Variants in NBPF14 observed in about 807,000 individuals in gnomAD.
NBPF14 encodes the protein NBPF family member NBPF14.
Under a neutral mutation model 91.2 loss-of-function variants are expected in NBPF14, and 104 were observed. The observed-to-expected ratio is 1.14, with a 90% CI of 0.97 to 1.34. The LOEUF (loss-of-function observed/expected upper bound fraction) is 1.34, where lower values mean the gene tolerates loss of function less well. Among genes scored for constraint, NBPF14 ranks in the 40% most tolerant of loss-of-function variants. The probability of loss-of-function intolerance (pLI) is 0.00; values close to 1 mark genes in which losing one functional copy is unlikely to be tolerated. For missense variants in NBPF14, 908 were observed against 783.0 expected, an observed-to-expected ratio of 1.16 and a Z score of -1.91; for synonymous variants, 294 against 303.8, an observed-to-expected ratio of 0.97 and a Z score of 0.34.
At chr1:148,566,086 T>G in intron 29 of NBPF14, 57 bp downstream of exon 29, 1 of 397,474 alleles carries the variant, frequency 2.5e-6, no homozygotes, top group East Asian at 4.8e-5. Flanking sequence ...AGCAGGAATA[T>G]GATCTTTATA....
Position 148,533,327 on chromosome 1 carries a change from C to A in NBPF14, c.8724-79G>T, listed in dbSNP as rs1181105391. The A allele has an allele frequency of 7.9e-5, 38 of 479,378 alleles. 1 individual carries two copies. In the African/African-American group the frequency reaches 1.2e-3, roughly 16 times the overall value. The allele number at this position is 479,378 out of a possible 1,614,324, so 29.7% of individuals were successfully genotyped here. A position where few individuals can be genotyped will look rare whatever the true frequency, so the allele number is the denominator to read the frequency against. ...AGCCCCAGCTAGATTTCAGAAGCAACATAAGGAAGTGGTTAGAAAAGAAAA... is the reference window on the plus strand; with the variant it reads ...AGCCCCAGCTAGATTTCAGAAGCAAAATAAGGAAGTGGTTAGAAAAGAAAA... On this transcript the variant is annotated intron_variant, in intron 70 of 70. Transcript: ENST00000619423.
intron 36 of NBPF14, 75 bp from the exon 37 acceptor site, chr1:148,560,040 C>G: frequency 2.8e-6 from 2 of 702,414 alleles, no homozygotes; most frequent in South Asian, 3.1e-5. Context: ...GATTTCATGG[C>G]TAACGTAAGG....
chr1:148,559,553 T>C (rs1359699122), intron 37 of NBPF14, among the ~76,000 whole-genome samples: 3 of 121,612 alleles, frequency 2.5e-5, no homozygotes, highest in Non-Finnish European at 4.7e-5. Flanking sequence ...TCCAATGTCA[T>C]GAGAGTAGGA....
chr1:148,588,543 TG>T (rs1661943718), intron 7 of NBPF14, among the ~76,000 whole-genome samples: 1 of 151,932 alleles, frequency 6.6e-6, no homozygotes, highest in South Asian at 2.1e-4. Context: ...TTCTCCATGT[TG>T]CCCAGGCTGG....
intron 37 of NBPF14, among the ~76,000 whole-genome samples, 157 bp downstream of exon 37, chr1:148,559,636 C>T (rs1309299256): frequency 8.0e-6 from 1 of 125,222 alleles, no homozygotes; most frequent in Non-Finnish European, 1.5e-5. Context: ...GTCTGGGCTT[C>T]CAAGTGGAAC....
chr1:148,559,986 A>T, intron 36 of NBPF14, 21 bp from the exon 37 acceptor site: 3 of 1,144,172 alleles, frequency 2.6e-6, no homozygotes, highest in Non-Finnish European at 3.8e-6. Context: ...GGAAAAAAGT[A>T]AAGAATAAGC....
Position 148,534,581 on chromosome 1 carries a change from G to T in NBPF14, c.8614+103C>A, listed in dbSNP as rs1193071733. On this transcript the variant is annotated intron_variant, in intron 69 of 70. Transcript: ENST00000619423. ...TATGCGCCCATAGGTCCTGCCTGCG[G>T]CAATGACATCTCTCGGGTGAGTAAG... The T allele has an allele frequency of 1.0e-4, 86 of 828,408 alleles. No homozygotes were observed. In the East Asian group the frequency reaches 2.0e-3, roughly 19 times the overall value. 51.3% of individuals were successfully genotyped at this position (828,408 alleles called of 1,614,324 possible). A position where few individuals can be genotyped will look rare whatever the true frequency, so the allele number is the denominator to read the frequency against.
intron 59 of NBPF14, among the ~76,000 whole-genome samples, chr1:148,542,071 C>G (rs1655617933): frequency 1.1e-5 from 1 of 93,314 alleles, no homozygotes; most frequent in African/African-American, 8.9e-5. Context: ...ATCCCAATAT[C>G]ATTTGTCCCA....
chr1:148,566,351 G>A lies in NBPF14; in HGVS notation c.3543-36C>T, dbSNP rs1399808772. The A allele has an allele frequency of 1.1e-5, 8 of 752,740 alleles. 1 individual carries two copies. In the Admixed American group the frequency reaches 1.1e-4, roughly 10 times the overall value. 46.6% of individuals were successfully genotyped at this position (752,740 alleles called of 1,614,324 possible). ...AGGAAAAGGTAAAGAATAAGCCAGG[G>A]GAAATCAGACACAACAGAGCCTCAA... On this transcript the variant is annotated intron_variant, in intron 28 of 70. Coordinates refer to ENST00000619423, the Ensembl canonical transcript of NBPF14.
chr1:148,534,616 G>A, intron 69 of NBPF14, 68 bp downstream of exon 69: 1 of 908,054 alleles, frequency 1.1e-6, no homozygotes, highest in Non-Finnish European at 1.9e-6. Context: ...GGGCCACTTG[G>A]AATAGGAATA....
At chr1:148,542,176 G>A (rs1403752046) in intron 59 of NBPF14, among the ~76,000 whole-genome samples, 1 of 103,132 alleles carries the variant, frequency 9.7e-6, no homozygotes, top group Non-Finnish European at 1.7e-5. Flanking sequence ...ATTTAGCCCT[G>A]TCTCAACAAA....
intron 28 of NBPF14, among the ~76,000 whole-genome samples, chr1:148,566,585 G>A (rs1205563946): frequency 1.4e-5 from 2 of 142,210 alleles, no homozygotes; most frequent in Non-Finnish European, 3.1e-5. Flanking sequence ...GAATTGTCCA[G>A]GTGACACACT....
exon 21 of NBPF14, chr1:148,572,573 C>G (rs1214778191): frequency 3.1e-6 from 2 of 650,296 alleles, no homozygotes; most frequent in South Asian, 3.1e-5. Context: ...GTGAGTCCTG[C>G]AAGACTTCAG....
chr1:148,587,291 G>T lies in NBPF14; in HGVS notation c.1091+10C>A, dbSNP rs1305610799. On this transcript the variant is annotated intron_variant, in intron 8 of 70. Coordinates refer to ENST00000619423, the Ensembl canonical transcript of NBPF14. ...CTGCCCCCCTGCCTGCCCCCATGGG[G>T]TCCCCTCACCTGAGCTCCTCAGCTT... 3.2e-6 allele frequency: 5 copies of T among 1,575,950 alleles called. No individual in the cohort carries two copies. The highest frequency in any genetic ancestry group is 2.2e-5 in the South Asian group (2 of 89,208).
intron 2 of NBPF14, among the ~76,000 whole-genome samples, chr1:148,594,328 G>C (rs1200439255): frequency 7.1e-6 from 1 of 141,252 alleles, no homozygotes; most frequent in Non-Finnish European, 1.5e-5. Flanking sequence ...AACAGAATAA[G>C]ATTAGTTTGT....
In NBPF14 at chr1:148,575,814, G is replaced by C; in HGVS notation, c.2079-3C>G. ...CATCCAGCAGCTCCCTGCTGAGCCT[G>C]GAAAAGTAGGAAAAAGTAAAGAATA... On this transcript the variant is annotated splice_region_variant and splice_polypyrimidine_tract_variant and intron_variant, in intron 16 of 70. Coordinates refer to ENST00000619423, the Ensembl canonical transcript of NBPF14. 3.2e-6 allele frequency: 1 copy of C among 310,638 alleles called. No individual in the cohort carries two copies. Among genetic ancestry groups the C allele is most frequent in the Non-Finnish European group, 5.5e-6 (1 of 180,958 alleles). The allele number at this position is 310,638 out of a possible 1,614,324, so 19.2% of individuals were successfully genotyped here. A position where few individuals can be genotyped will look rare whatever the true frequency, so the allele number is the denominator to read the frequency against.
intron 14 of NBPF14, among the ~76,000 whole-genome samples, 181 bp from the exon 15 acceptor site, chr1:148,577,536 C>G (rs1340519387): frequency 7.5e-6 from 1 of 132,638 alleles, no homozygotes; most frequent in East Asian, 2.3e-4. Context: ...AAAGGATGAA[C>G]GAGAAAGACA....
chr1:148,560,131 G>A (rs1260822219), intron 36 of NBPF14, among the ~76,000 whole-genome samples, 166 bp from the exon 37 acceptor site: 2 of 151,016 alleles, frequency 1.3e-5, no homozygotes, highest in East Asian at 3.9e-4. Context: ...ACAGGGCCAG[G>A]TAGAAAACAA....
chr1:148,561,364 A>C, intron 35 of NBPF14, 43 bp downstream of exon 35: 1 of 275,814 alleles, frequency 3.6e-6, no homozygotes, highest in Non-Finnish European at 6.2e-6. Flanking sequence ...CTTTATATGG[A>C]AGACTCAGTG....
Sources: allele counts gnomAD v4.1 joint callset (sites outside exome capture counted in the v4.1 genomes callset), GRCh38; gene constraint gnomAD v4.1.1; transcripts MANE v1.5; gene names NCBI Gene and HGNC (gene_info 2026-07-23, HGNC 2026-07-21).